The following IL1RAPL2 variants were observed in gnomAD, a reference collection of about 807,000 sequenced individuals.
IL1RAPL2 encodes interleukin 1 receptor accessory protein like 2.
IL1RAPL2 carries 3 observed loss-of-function variants against 44.1 expected under a neutral mutation model. The ratio of observed to expected loss-of-function variants is 0.07; its 90% CI spans 0.03 to 0.18. The LOEUF is 0.18. Among genes scored for constraint, IL1RAPL2 ranks in the 10% least tolerant of loss-of-function variants. IL1RAPL2 has a pLI of 1.00. For missense variants in IL1RAPL2, 391 were observed against 496.4 expected, an observed-to-expected ratio of 0.79 and a Z score of 2.02; for synonymous variants, 181 against 178.8, an observed-to-expected ratio of 1.01 and a Z score of -0.10.
intron 3 of IL1RAPL2, among the ~76,000 whole-genome samples, chrX:105,222,710 A>T (rs2033977340): frequency 8.9e-6 from 1 of 112,123 alleles, no homozygotes; most frequent in South Asian, 3.7e-4. Flanking sequence ...ATGCATAGGG[A>T]TGTCAGGGAC....
chrX:105,086,234 T>C (rs1191370994), intron 2 of IL1RAPL2, among the ~76,000 whole-genome samples: 1 of 110,387 alleles, frequency 9.1e-6, no homozygotes, highest in Non-Finnish European at 1.9e-5. Flanking sequence ...TATTTACCTG[T>C]GGAAGAATGG....
chrX:104,809,633 T>A (rs1932956994), intron 2 of IL1RAPL2, among the ~76,000 whole-genome samples: 1 of 109,864 alleles, frequency 9.1e-6, no homozygotes, highest in Non-Finnish European at 1.9e-5. Flanking sequence ...TATTAGCCCT[T>A]TGTCAGATGA....
In IL1RAPL2 at chrX:105,684,736, T is replaced by C. The variant is rs1296343063; in HGVS notation, c.773-32631T>C. Among the ~76,000 whole-genome samples the C allele has an allele frequency of 5.3e-5, 6 of 112,172 alleles. No individual in the cohort carries two copies. In the South Asian group the frequency reaches 2.2e-3, roughly 42 times the overall value. On this transcript the variant is annotated intron_variant, in intron 6 of 10. Transcript: ENST00000372582. ...CGGACAGACTGCCTCCTCAAGTGGG[T>C]CCCTGACCCACGAGTAGCCTAACTG...
intron 2 of IL1RAPL2, among the ~76,000 whole-genome samples, chrX:104,888,274 CAAGG>C (rs1923313085): frequency 1.0e-5 from 1 of 97,487 alleles, no homozygotes; most frequent in Admixed American, 1.1e-4. Flanking sequence ...GAGACAGAGA[CAAGG>C]AAGGAGAGAG....
At position 105,669,098 on chromosome X, in the gene IL1RAPL2, G is replaced by T. The variant is rs183022450; in HGVS notation, c.773-48269G>T. 6.3e-5 allele frequency among the ~76,000 whole-genome samples: 7 copies of T among 111,697 alleles called. No homozygotes were observed. The East Asian group carries it at 2.0e-3, about 31-fold the overall frequency. ...AATAGCAAGCTGCAGCTCACAATTA[G>T]TTGATCTCTTTGTGATCTTTACCAT... On this transcript the variant is annotated intron_variant, in intron 6 of 10. Coordinates refer to ENST00000372582, the MANE Select transcript of IL1RAPL2 (RefSeq NM_017416.2).
intron 2 of IL1RAPL2, among the ~76,000 whole-genome samples, chrX:104,888,918 A>T (rs1246213034): frequency 1.8e-5 from 2 of 111,712 alleles, no homozygotes; most frequent in African/African-American, 6.5e-5. Flanking sequence ...AGCAATGAAA[A>T]GCCCATACAC....
chrX:105,479,821 T>C (rs1056826986), intron 5 of IL1RAPL2, among the ~76,000 whole-genome samples: 1 of 111,142 alleles, frequency 9.0e-6, no homozygotes, highest in Admixed American at 9.6e-5. Context: ...AGGAAAGTTA[T>C]TAAGGCTAGA....
chrX:105,671,833 A>G (rs2037826941), intron 6 of IL1RAPL2, among the ~76,000 whole-genome samples: 1 of 108,818 alleles, frequency 9.2e-6, no homozygotes, highest in Admixed American at 9.9e-5. Flanking sequence ...CTATCTATTC[A>G]TTTTTTTTTC....
At position 104,906,225 on chromosome X, in the gene IL1RAPL2, A is replaced by C. The variant is rs781688804; in HGVS notation, c.82+247230A>C. On this transcript the variant is annotated intron_variant, in intron 2 of 10. Coordinates refer to ENST00000372582, the MANE Select transcript of IL1RAPL2 (RefSeq NM_017416.2). ...TTGGGCTGAGACAATGGGGTTTTGTAGATATACAATCATGTCATCTGCAAA... is the reference window on the plus strand; with the variant it reads ...TTGGGCTGAGACAATGGGGTTTTGTCGATATACAATCATGTCATCTGCAAA... 1.4e-4 allele frequency among the ~76,000 whole-genome samples: 16 copies of C among 111,645 alleles called. No homozygotes were observed. The South Asian group carries it at 1.9e-3, about 13-fold the overall frequency.
At chrX:105,031,712 G>A (rs754137130) in intron 2 of IL1RAPL2, among the ~76,000 whole-genome samples, 2 of 111,366 alleles carry the variant, frequency 1.8e-5, no homozygotes, top group African/African-American at 3.3e-5. Context: ...TCTCTTTTTT[G>A]GTTGTGTCTC....
At chrX:104,977,641 C>A (rs2147724620) in intron 2 of IL1RAPL2, among the ~76,000 whole-genome samples, 1 of 111,756 alleles carries the variant, frequency 8.9e-6, no homozygotes. Context: ...AAAATTGGGG[C>A]TTAGCTTGGG....
At chrX:105,521,604 T>C (rs1449721937) in intron 6 of IL1RAPL2, among the ~76,000 whole-genome samples, 2 of 110,246 alleles carry the variant, frequency 1.8e-5, no homozygotes, top group East Asian at 5.7e-4. Context: ...AGGGACCTGG[T>C]GAGAGGTAAT....
chrX:105,754,058 C>A (rs2038617067), intron 9 of IL1RAPL2, among the ~76,000 whole-genome samples: 1 of 111,545 alleles, frequency 9.0e-6, no homozygotes, highest in African/African-American at 3.3e-5. Flanking sequence ...TATAAATTAC[C>A]TTTTGGTCAG....
At chrX:105,451,114 A>C (rs887105282) in intron 5 of IL1RAPL2, among the ~76,000 whole-genome samples, 6 of 111,402 alleles carry the variant, frequency 5.4e-5, no homozygotes, top group African/African-American at 2.0e-4. Flanking sequence ...TCCTCCATGA[A>C]AAACTCTGAT....
intron 5 of IL1RAPL2, among the ~76,000 whole-genome samples, chrX:105,353,996 T>C (rs1232681009): frequency 9.0e-6 from 1 of 111,054 alleles, no homozygotes; most frequent in East Asian, 2.9e-4. Flanking sequence ...AGAGAGGACA[T>C]CCCTGTCTTG....
chrX:105,417,161 A>C (rs930822946), intron 5 of IL1RAPL2, among the ~76,000 whole-genome samples: 2 of 112,501 alleles, frequency 1.8e-5, no homozygotes, highest in Non-Finnish European at 3.8e-5. Context: ...CCAAACAGGA[A>C]ATTAGATTTG....
Position 105,673,130 on chromosome X carries a change from C to T in IL1RAPL2, c.773-44237C>T, listed in dbSNP as rs754750583. 4.9e-4 allele frequency among the ~76,000 whole-genome samples: 55 copies of T among 111,302 alleles called. 1 individual carries two copies. Among genetic ancestry groups the T allele is most frequent in the Non-Finnish European group, 1.1e-4 (6 of 53,082 alleles). On this transcript the variant is annotated intron_variant, in intron 6 of 10. Coordinates refer to ENST00000372582, the MANE Select transcript of IL1RAPL2 (RefSeq NM_017416.2). ...GTGGGAAAAATAGGAGATATTATAG[C>T]GACTCTATCTTCCCAGAAGCATAAG...
chrX:105,369,373 T>A (rs1349216113), intron 5 of IL1RAPL2, among the ~76,000 whole-genome samples: 4 of 110,993 alleles, frequency 3.6e-5, no homozygotes, highest in Admixed American at 9.7e-5. Context: ...TCCAACCTGC[T>A]GTTATTCTTC....
At chrX:105,498,179 A>G (rs757786783) in intron 6 of IL1RAPL2, among the ~76,000 whole-genome samples, 4 of 112,359 alleles carry the variant, frequency 3.6e-5, no homozygotes, top group African/African-American at 9.7e-5. Context: ...AAAAGTTAGA[A>G]CTAATAAATT....
Sources: gnomAD v4.1 joint callset for allele counts (sites outside exome capture counted in the v4.1 genomes callset) on GRCh38, gnomAD v4.1.1 for gene constraint, MANE v1.5 for transcripts, NCBI Gene and HGNC (gene_info 2026-07-23, HGNC 2026-07-21) for gene names.